The following STXBP5L variants were observed in gnomAD, a reference collection of about 807,000 sequenced individuals.
STXBP5L encodes the protein syntaxin binding protein 5L.
A neutral mutation model predicts 144.5 loss-of-function variants in STXBP5L; 65 were observed. The ratio of observed to expected loss-of-function variants is 0.45; its 90% CI spans 0.37 to 0.55. STXBP5L has a LOEUF of 0.55. STXBP5L is among the 20% of genes least tolerant of loss of function. The probability of loss-of-function intolerance (pLI) is 0.00; values close to 1 mark genes in which losing one functional copy is unlikely to be tolerated. For missense variants in STXBP5L, 1,298 were observed against 1,405.5 expected, an observed-to-expected ratio of 0.92 and a Z score of 1.22; for synonymous variants, 505 against 469.6, an observed-to-expected ratio of 1.08 and a Z score of -0.97.
At chr3:121,384,354 C>G (rs1236243523) in intron 22 of STXBP5L, among the ~76,000 whole-genome samples, 1 of 151,972 alleles carries the variant, frequency 6.6e-6, no homozygotes, top group Admixed American at 6.6e-5. Context: ...AGGAAGTGTA[C>G]AGTACTGGCG....
intron 3 of STXBP5L, among the ~76,000 whole-genome samples, chr3:120,982,882 C>A (rs1941925019): frequency 6.6e-6 from 1 of 152,132 alleles, no homozygotes; most frequent in African/African-American, 2.4e-5. Flanking sequence ...TTGGACTGGA[C>A]TGCTGGATTT....
At chr3:121,267,687 C>A (rs1481508696) in intron 18 of STXBP5L, among the ~76,000 whole-genome samples, 1 of 152,056 alleles carries the variant, frequency 6.6e-6, no homozygotes, top group Non-Finnish European at 1.5e-5. Context: ...TATCTAGAAT[C>A]TACAAAGAAC....
chr3:121,098,696 G>C (rs572956221), intron 5 of STXBP5L, among the ~76,000 whole-genome samples: 2 of 152,144 alleles, frequency 1.3e-5, no homozygotes, highest in African/African-American at 4.8e-5. Context: ...CCTTTGTAGG[G>C]TTGGCCTGGC....
intron 6 of STXBP5L, among the ~76,000 whole-genome samples, chr3:121,116,625 C>T (rs1288215354): frequency 6.6e-6 from 1 of 151,970 alleles, no homozygotes; most frequent in Admixed American, 6.6e-5. Flanking sequence ...TTACAACTTT[C>T]ATTTATGTTT....
chr3:121,345,279 G>A (rs13433974), intron 20 of STXBP5L, among the ~76,000 whole-genome samples: 15,214 of 151,950 alleles, frequency 0.1, 1,198 homozygotes, highest in Admixed American at 0.2. Context: ...TTGTCCTTGT[G>A]ATAGTTTGCT....
intron 2 of STXBP5L, among the ~76,000 whole-genome samples, chr3:120,929,065 G>A (rs913017528): frequency 2.0e-5 from 3 of 152,152 alleles, no homozygotes; most frequent in African/African-American, 7.2e-5. Flanking sequence ...GGAAGCTGGA[G>A]GCAGGCTGTG....
chr3:121,326,501 A>T (rs1221675863), intron 20 of STXBP5L, among the ~76,000 whole-genome samples: 1 of 152,102 alleles, frequency 6.6e-6, no homozygotes, highest in East Asian at 1.9e-4. Context: ...TCATAAGTAC[A>T]TAAACTAAAA....
chr3:121,094,788 GT>G (rs1560125103), intron 5 of STXBP5L, among the ~76,000 whole-genome samples: 1 of 151,780 alleles, frequency 6.6e-6, no homozygotes, highest in Non-Finnish European at 1.5e-5. Context: ...AGTTAATATT[GT>G]TATGTGTGAA....
intron 12 of STXBP5L, 91 bp downstream of exon 12, chr3:121,233,779 T>G (rs2049382507): frequency 2.0e-6 from 2 of 985,130 alleles, no homozygotes; most frequent in Non-Finnish European, 1.5e-6. Context: ...GTATTCTTTG[T>G]GTGAATATTG....
intron 7 of STXBP5L, among the ~76,000 whole-genome samples, chr3:121,128,511 A>G (rs1234168362): frequency 6.6e-6 from 1 of 152,108 alleles, no homozygotes; most frequent in Non-Finnish European, 1.5e-5. Flanking sequence ...GAAGCTTGGT[A>G]GTGGTTGTCC....
chr3:121,009,030 G>C (rs915450533), intron 3 of STXBP5L, among the ~76,000 whole-genome samples: 4 of 151,848 alleles, frequency 2.6e-5, no homozygotes, highest in Non-Finnish European at 4.4e-5. Flanking sequence ...ATGCAGTAGA[G>C]ACAGTGAGTA....
chr3:121,244,856 G>A (rs996145338), intron 14 of STXBP5L, among the ~76,000 whole-genome samples: 9 of 152,094 alleles, frequency 5.9e-5, no homozygotes, highest in East Asian at 1.9e-4. Context: ...AAAAATGAAG[G>A]AGCAATAAGA....
chr3:120,914,555 C>T (rs1271581351), intron 2 of STXBP5L, among the ~76,000 whole-genome samples: 1 of 152,000 alleles, frequency 6.6e-6, no homozygotes, highest in Non-Finnish European at 1.5e-5. Flanking sequence ...ATTAAATGCC[C>T]AGATATCCTT....
intron 5 of STXBP5L, among the ~76,000 whole-genome samples, chr3:121,053,636 T>A (rs1948208570): frequency 6.6e-6 from 1 of 152,126 alleles, no homozygotes. Context: ...ATAAAAACCC[T>A]AGAAGAAAAC....
chr3:121,350,213 T>C (rs1259575243), intron 20 of STXBP5L, among the ~76,000 whole-genome samples: 2 of 152,136 alleles, frequency 1.3e-5, no homozygotes, highest in Non-Finnish European at 2.9e-5. Flanking sequence ...CTCCTTCACT[T>C]ATGAAGCTTA....
At chr3:121,392,430 A>G (rs1329112210) in intron 22 of STXBP5L, among the ~76,000 whole-genome samples, 2 of 152,064 alleles carry the variant, frequency 1.3e-5, no homozygotes, top group Non-Finnish European at 2.9e-5. Flanking sequence ...ACCAGTCCCA[A>G]TGAGATGAAC....
intron 9 of STXBP5L, among the ~76,000 whole-genome samples, chr3:121,161,545 A>G (rs1213572551): frequency 1.3e-5 from 2 of 152,002 alleles, no homozygotes; most frequent in East Asian, 1.9e-4. Context: ...GGTTCTACCA[A>G]GATTCTCATA....
At chr3:121,413,949 C>G (rs185014033) in intron 24 of STXBP5L, among the ~76,000 whole-genome samples, 25 of 152,124 alleles carry the variant, frequency 1.6e-4, no homozygotes, top group Non-Finnish European at 2.8e-4. Flanking sequence ...CTGAACTATT[C>G]GAGTTGTATT....
intron 2 of STXBP5L, among the ~76,000 whole-genome samples, chr3:120,942,014 AT>A (rs564184130): frequency 4.5e-4 from 69 of 151,888 alleles, no homozygotes; most frequent in Non-Finnish European, 9.4e-4. Flanking sequence ...TTTAACAAAT[AT>A]TTTATGTAGC....
Sources: gnomAD v4.1 joint callset for allele counts (sites outside exome capture counted in the v4.1 genomes callset) on GRCh38, gnomAD v4.1.1 for gene constraint, MANE v1.5 for transcripts, NCBI Gene and HGNC (gene_info 2026-07-23, HGNC 2026-07-21) for gene names.